Variants in TYMS observed in about 807,000 individuals in gnomAD.
The protein encoded by TYMS is thymidylate synthase.
A neutral mutation model predicts 39.3 loss-of-function variants in TYMS; 21 were observed. That is an observed-to-expected ratio of 0.54 (90% CI 0.38 to 0.77). The LOEUF (loss-of-function observed/expected upper bound fraction) is 0.77, where lower values mean the gene tolerates loss of function less well. Ranked by LOEUF, TYMS falls within the 30% of genes least tolerant of loss-of-function variation. The pLI is 0.00. For synonymous variants in TYMS, 171 were observed against 162.2 expected (o/e 1.05, Z -0.41); for missense variants, 273 against 406.7 (o/e 0.67, Z 2.83).
In TYMS at chr18:658,122, AGG is replaced by A; in HGVS notation, c.205+177_205+178del. On this transcript the variant is annotated intron_variant, in intron 1 of 6. Coordinates refer to ENST00000323274, the MANE Select transcript of TYMS (RefSeq NM_001071.4). This position sits in a 1 kb window ranked among gnomAD's most constrained non-coding sequence, Gnocchi z 4.5. ...AGACGCCGAAACGGAGGGTCCCATTAGGGACGTGACTGGCGCGGGCAACACAC... is the reference window on the plus strand; with the variant it reads ...AGACGCCGAAACGGAGGGTCCCATTAGACGTGACTGGCGCGGGCAACACAC... The A allele has an allele frequency of 6.3e-7, 1 of 1,587,072 alleles. No individual in the cohort carries two copies. The highest frequency in any genetic ancestry group is 8.5e-7 in the Non-Finnish European group (1 of 1,170,156).
chr18:671,603 G>A, intron 6 of TYMS, 152 bp downstream of exon 6: 1 of 658,682 alleles, frequency 1.5e-6, no homozygotes, highest in Non-Finnish European at 2.7e-6. Context: ...GGGCAGGTGG[G>A]CAGGACAAGG....
At chr18:667,456 A>G (rs1372289096) in intron 3 of TYMS, among the ~76,000 whole-genome samples, 1 of 1,152 alleles carries the variant, frequency 8.7e-4, no homozygotes, top group African/African-American at 5.0e-3. Context: ...GGTGATGGTG[A>G]TGATGGAGAT....
At chr18:662,511 T>TTC (rs1331430502) in intron 3 of TYMS, among the ~76,000 whole-genome samples, 191 bp downstream of exon 3, 1 of 151,194 alleles carries the variant, frequency 6.6e-6, no homozygotes, top group African/African-American at 2.4e-5. Flanking sequence ...ACTCTTTTTT[T>TTC]TTTTTTTTTT....
chr18:672,816 G>C (rs768597616), intron 6 of TYMS, 44 bp from the exon 7 acceptor site: 2 of 1,533,018 alleles, frequency 1.3e-6, no homozygotes, highest in Admixed American at 1.8e-5. Context: ...AATTACAACA[G>C]GTCGTACAAT....
chr18:659,586 T>C, intron 1 of TYMS, 55 bp from the exon 2 acceptor site: 2 of 1,474,910 alleles, frequency 1.4e-6, no homozygotes, highest in Non-Finnish European at 1.9e-6. Context: ...TGAAGAAAGT[T>C]GGATGGCATG....
rs2075132819 is a variant in TYMS, at chr18:672,880, T to C, written c.825T>C (p.Pro275=). 6.3e-7 allele frequency: 1 copy of C among 1,585,632 alleles called. No homozygotes were observed. The highest frequency in any genetic ancestry group is 8.6e-7 in the Non-Finnish European group (1 of 1,158,076). Residue 275 remains proline, a synonymous_variant, in exon 7 of 7, where the codon CCT becomes CCC. Transcript: ENST00000323274. ...TTTAGCTTCAGCGAGAACCCAGACC[T>C]TTCCCAAAGCTCAGGATTCTTCGAA... is the stretch of plus-strand genomic sequence containing the variant. ...LKIQLQREPR[P]FPKLRILRKV...
chr18:666,680 G>A (rs186199161), intron 3 of TYMS, among the ~76,000 whole-genome samples: 1 of 152,164 alleles, frequency 6.6e-6, no homozygotes, highest in African/African-American at 2.4e-5. Context: ...TTCAATAAAA[G>A]CCTAAAATCT....
chr18:670,852 C>T lies in TYMS; in HGVS notation c.717C>T (p.His239=). The T allele has an allele frequency of 1.9e-6, 3 of 1,614,012 alleles. No homozygotes were observed. Among genetic ancestry groups the T allele is most frequent in the East Asian group, 4.5e-5 (2 of 44,888 alleles). The change falls in exon 5 of 7, where the codon CAC becomes CAT. Residue 239 remains histidine, a synonymous_variant. Transcript: ENST00000323274. ...SYALLTYMIA[H]ITGLKPGDFI... is the part of the protein sequence containing the mutation. ...CCCTGCTCACGTACATGATTGCGCA[C>T]ATCACGGGCCTGAAGGTGGGCTGTC...
intron 4 of TYMS, among the ~76,000 whole-genome samples, chr18:669,993 C>T (rs1053293900): frequency 6.6e-6 from 1 of 150,954 alleles, no homozygotes; most frequent in Non-Finnish European, 1.5e-5. Flanking sequence ...AAAACTCTAT[C>T]AGGATATCAT....
chr18:673,045 G>A lies in TYMS; in HGVS notation c.*48G>A. The A allele has an allele frequency of 6.9e-7, 1 of 1,450,074 alleles. No homozygotes were observed. The allele number at this position is 1,450,074 out of a possible 1,614,324, so 89.8% of individuals were successfully genotyped here. ...GGATATTGTCAGTCTTTAGGGGTTG[G>A]GCTGGATGCCGAGGTAAAAGTTCTT... On this transcript the variant is annotated 3_prime_UTR_variant, in exon 7 of 7. Transcript: ENST00000323274.
At chr18:671,519 G>C (rs1482600465) in intron 6 of TYMS, 68 bp downstream of exon 6, 1 of 1,025,332 alleles carries the variant, frequency 9.8e-7, no homozygotes, top group East Asian at 2.4e-5. Context: ...TGTGGAACAG[G>C]CATCTGCTCA....
At chr18:662,504 CTTTTT>C (rs11411741) in intron 3 of TYMS, among the ~76,000 whole-genome samples, 184 bp downstream of exon 3, 2 of 134,686 alleles carry the variant, frequency 1.5e-5, no homozygotes, top group African/African-American at 5.6e-5. Flanking sequence ...GTTTCACACT[CTTTTT>C]TTTTTTTTTT....
At position 673,065 on chromosome 18, in the gene TYMS, G is replaced by A. The variant is rs1227004445; in HGVS notation, c.*68G>A. 29 of 1,430,308 alleles carry A rather than the reference G, an allele frequency of 2.0e-5. No homozygotes were observed. The highest frequency in any genetic ancestry group is 2.6e-5 in the Non-Finnish European group (28 of 1,074,588). 88.6% of individuals were successfully genotyped at this position (1,430,308 alleles called of 1,614,324 possible). A position where few individuals can be genotyped will look rare whatever the true frequency, so the allele number is the denominator to read the frequency against. On this transcript the variant is annotated 3_prime_UTR_variant, in exon 7 of 7. Transcript: ENST00000323274. ...GGTTGGGCTGGATGCCGAGGTAAAA[G>A]TTCTTTTTGCTCTAAAAGAAAAAGG...
At chr18:662,743 C>G (rs1167742106) in intron 3 of TYMS, among the ~76,000 whole-genome samples, 4 of 151,386 alleles carry the variant, frequency 2.6e-5, no homozygotes, top group African/African-American at 9.7e-5. Context: ...CAATTCCCAC[C>G]TATGAGTGAG....
chr18:671,348 A>T, intron 5 of TYMS, 32 bp from the exon 6 acceptor site: 1 of 1,402,996 alleles, frequency 7.1e-7, no homozygotes, highest in African/African-American at 1.4e-5. Context: ...TGAAACTAAC[A>T]TACTGTTCTG....
chr18:672,701 AATCATGTTAC>A, intron 6 of TYMS, 149 bp from the exon 7 acceptor site: 6 of 722,762 alleles, frequency 8.3e-6, no homozygotes, highest in Non-Finnish European at 1.3e-5. Context: ...GTTGCGCTCC[AATCATGTTAC>A]ATAACCTACG....
intron 3 of TYMS, among the ~76,000 whole-genome samples, chr18:668,419 GAAGGA>G (rs934107432): frequency 6.6e-6 from 1 of 152,180 alleles, no homozygotes; most frequent in African/African-American, 2.4e-5. Context: ...ATCTCAGAAG[GAAGGA>G]AAGGGATTAA....
intron 2 of TYMS, among the ~76,000 whole-genome samples, chr18:661,239 G>C (rs2074752949): frequency 6.6e-6 from 1 of 152,174 alleles, no homozygotes; most frequent in African/African-American, 2.4e-5. Flanking sequence ...AAGGGAGGAA[G>C]CAAGATACTC....
Position 658,082 on chromosome 18 carries a change from T to A in TYMS, c.205+135T>A. 1.9e-6 allele frequency: 3 copies of A among 1,577,994 alleles called. No individual in the cohort carries two copies. The highest frequency in any genetic ancestry group is 2.3e-5 in the South Asian group (2 of 86,094). On this transcript the variant is annotated intron_variant, in intron 1 of 6. Transcript: ENST00000323274. This position sits in a 1 kb window ranked among gnomAD's most constrained non-coding sequence, Gnocchi z 4.5. ...ATCCTGCGAGGGAGGGGACGCATCG[T>A]CCTCCTCGCCTTACAGACGCCGAAA...
Sources: allele counts gnomAD v4.1 joint callset (sites outside exome capture counted in the v4.1 genomes callset), GRCh38; gene constraint gnomAD v4.1.1; non-coding constraint Gnocchi (gnomAD v3.1); transcripts MANE v1.5; gene names NCBI Gene and HGNC (gene_info 2026-07-23, HGNC 2026-07-21).